Variants in TRRAP observed in about 807,000 individuals in gnomAD.
TRRAP encodes transformation/transcription domain-associated protein.
In TRRAP, 41 loss-of-function variants were observed where a neutral mutation model predicts 438.8. The ratio of observed to expected loss-of-function variants is 0.09; its 90% confidence interval spans 0.07 to 0.12. The LOEUF is 0.12. TRRAP is among the 10% of genes least tolerant of loss of function. The pLI is 1.00. For synonymous variants in TRRAP, 1,994 were observed against 1,962.9 expected (o/e 1.02, Z -0.42); for missense variants, 3,122 against 5,055.1 (o/e 0.62, Z 11.60).
At chr7:98,971,446 A>G (rs1022788827) in intron 52 of TRRAP, among the ~76,000 whole-genome samples, 1 of 152,240 alleles carries the variant, frequency 6.6e-6, no homozygotes, top group South Asian at 2.1e-4. Flanking sequence ...GGAGCAAGCC[A>G]GGCAGCTGGG....
chr7:98,965,551 G>T, intron 48 of TRRAP, 145 bp from the exon 49 acceptor site: 1 of 1,060,978 alleles, frequency 9.4e-7, no homozygotes. Flanking sequence ...ACATATGAGT[G>T]CTTCAAATCC....
At chr7:98,921,005 A>T (rs1384716395) in intron 20 of TRRAP, among the ~76,000 whole-genome samples, 1 of 152,002 alleles carries the variant, frequency 6.6e-6, no homozygotes, top group East Asian at 1.9e-4. Context: ...ACGCCCAGCT[A>T]ATTTTGTGTT....
At chr7:98,951,885 G>A (rs1372338389) in intron 39 of TRRAP, among the ~76,000 whole-genome samples, 1 of 152,168 alleles carries the variant, frequency 6.6e-6, no homozygotes, top group African/African-American at 2.4e-5. Flanking sequence ...GGGAGATGGG[G>A]TCCAGACAGG....
Position 98,962,408 on chromosome 7 carries a change from C to T in TRRAP, c.6810C>T (p.Ala2270=), listed in dbSNP as rs761305182. Residue 2270 remains alanine (A), a synonymous_variant, in exon 47 of 73, where the codon GCC becomes GCT. Coordinates refer to ENST00000456197, the MANE Select transcript of TRRAP (RefSeq NM_001375524.1). Reference sequence around the variant, plus strand: ...CCAACTACGAGAAGGCCACCAATGCCAATCCCTCCCAGCTCTTCGGTGAGT... The same window carrying T: ...CCAACTACGAGAAGGCCACCAATGCTAATCCCTCCCAGCTCTTCGGTGAGT... ...GLTNYEKATN[A]NPSQLFGTLM... 1.2e-6 allele frequency: 2 copies of T among 1,614,244 alleles called. No individual in the cohort carries two copies. Among genetic ancestry groups the T allele is most frequent in the Admixed American group, 1.7e-5 (1 of 60,030 alleles).
chr7:98,971,092 G>A (rs1792396790), intron 52 of TRRAP, among the ~76,000 whole-genome samples: 1 of 152,176 alleles, frequency 6.6e-6, no homozygotes, highest in African/African-American at 2.4e-5. Flanking sequence ...TGCTCTAAAA[G>A]GGGTGGTGCG....
At chr7:98,982,101 C>T (rs538034529) in intron 59 of TRRAP, 141 bp downstream of exon 59, 11 of 824,712 alleles carry the variant, frequency 1.3e-5, no homozygotes, top group South Asian at 1.2e-4. Flanking sequence ...CACTTATACG[C>T]GTCCTCAGGA....
At chr7:98,940,094 G>T (rs1198763078) in intron 30 of TRRAP, among the ~76,000 whole-genome samples, 2 of 152,000 alleles carry the variant, frequency 1.3e-5, no homozygotes, top group African/African-American at 4.8e-5. Flanking sequence ...GTGTTGGCCA[G>T]GCTGGTGTTG....
chr7:98,981,864 C>T lies in TRRAP; in HGVS notation c.8730C>T (p.Phe2910=), dbSNP rs747111856. ...ACCCCGAGGAGCAGCAGCTCAGCTT[C>T]ATCGAGCGCCTGGTGGAGATGGCCA... The part of the protein sequence containing the change: ...ICHPEEQQLS[F]IERLVEMASS... Residue 2910 remains phenylalanine (F), a synonymous_variant, in exon 59 of 73, where the codon TTC becomes TTT. Transcript: ENST00000456197. 2.4e-5 allele frequency: 38 copies of T among 1,608,594 alleles called. 1 individual carries two copies. Among genetic ancestry groups the T allele is most frequent in the Non-Finnish European group, 3.1e-5 (36 of 1,178,290 alleles).
In TRRAP at chr7:98,881,707, A is replaced by T. The variant is rs955400524; in HGVS notation, c.101-268A>T. On this transcript the variant is annotated intron_variant, in intron 2 of 72. Transcript: ENST00000456197. ...CTCTACCTTGTAGAGAAGCAAAGTG[A>T]TGAGTAATACTGGCTGGAGCCCCAA... The T allele has an allele frequency of 1.7e-5, 7 of 406,060 alleles. No individual in the cohort carries two copies. In the Admixed American group the frequency reaches 2.9e-4, roughly 17 times the overall value. 25.2% of individuals were successfully genotyped at this position (406,060 alleles called of 1,614,324 possible).
At position 98,940,055 on chromosome 7, in the gene TRRAP, G is replaced by A. The variant is rs544227568; in HGVS notation, c.4404+2235G>A. The stretch of plus-strand genomic sequence containing the variant: ...TGCCACCACACCCAGCTAATTTTTT[G>A]TATTTTTAATAGAGACTGGGTTTTC... On this transcript the variant is annotated intron_variant, in intron 30 of 72. Coordinates refer to ENST00000456197, the MANE Select transcript of TRRAP (RefSeq NM_001375524.1). Among the ~76,000 whole-genome samples, 10 of 151,926 alleles carry A rather than the reference G, an allele frequency of 6.6e-5. No individual in the cohort carries two copies. The East Asian group carries it at 1.5e-3, about 24-fold the overall frequency.
At chr7:98,891,234 C>T (rs1343187627) in intron 4 of TRRAP, among the ~76,000 whole-genome samples, 6 of 109,364 alleles carry the variant, frequency 5.5e-5, no homozygotes, top group Middle Eastern at 7.7e-3. Context: ...TTTTGGGAGA[C>T]GGAGTCTCGC....
chr7:98,880,806 T>G (rs553881515), intron 1 of TRRAP, among the ~76,000 whole-genome samples: 1 of 152,312 alleles, frequency 6.6e-6, no homozygotes, highest in Admixed American at 6.5e-5. Context: ...GATTAAAATA[T>G]CTACTATGTG....
rs182326715 is a variant in TRRAP, at chr7:98,947,080, A to G, written c.4548+1130A>G. Reference sequence around the variant, plus strand: ...AGTGGGGCCCTTCCTGATCCGTGCTATCATCCCCTTCTTACCCCGAGGATC... The same window carrying G: ...AGTGGGGCCCTTCCTGATCCGTGCTGTCATCCCCTTCTTACCCCGAGGATC... On this transcript the variant is annotated intron_variant, in intron 33 of 72. Transcript: ENST00000456197. Among the ~76,000 whole-genome samples the G allele has an allele frequency of 6.4e-4, 98 of 152,340 alleles. 1 individual carries two copies. The highest frequency in any genetic ancestry group is 2.3e-3 in the African/African-American group (94 of 41,580).
chr7:98,979,507 A>G (rs1302292259), intron 58 of TRRAP, among the ~76,000 whole-genome samples: 2 of 152,146 alleles, frequency 1.3e-5, no homozygotes, highest in South Asian at 2.1e-4. Context: ...TTTCCCCCAA[A>G]TATTTTCCAT....
At chr7:98,924,212 T>C (rs948738143) in intron 21 of TRRAP, among the ~76,000 whole-genome samples, 1 of 152,252 alleles carries the variant, frequency 6.6e-6, no homozygotes. Flanking sequence ...TAATCTGCCA[T>C]TGGCTATTTG....
At chr7:98,914,651 G>A (rs1162127071) in intron 18 of TRRAP, among the ~76,000 whole-genome samples, 1 of 130,548 alleles carries the variant, frequency 7.7e-6, no homozygotes, top group African/African-American at 2.7e-5. Flanking sequence ...GGAGGCGGAG[G>A]TCACAGTGAG....
At chr7:98,945,600 G>T (rs1791016012) in intron 31 of TRRAP, 147 bp from the exon 32 acceptor site, 1 of 854,134 alleles carries the variant, frequency 1.2e-6, no homozygotes, top group African/African-American at 1.7e-5. Context: ...TTGCTGTTGA[G>T]CATTTGTTAA....
chr7:99,011,739 G>A lies in TRRAP; in HGVS notation c.11337+204G>A, dbSNP rs537973412. Among the ~76,000 whole-genome samples the A allele has an allele frequency of 1.3e-5, 2 of 152,374 alleles. No individual in the cohort carries two copies. The highest frequency in any genetic ancestry group is 2.1e-4 in the South Asian group (1 of 4,830). ...ACTCTTGTCTGTAGTGCTTGGAACG[G>A]GCCTGCCTGACACTCGGCAGATGCC... On this transcript the variant is annotated intron_variant, in intron 72 of 72. Coordinates refer to ENST00000456197, the MANE Select transcript of TRRAP (RefSeq NM_001375524.1). This position sits in a 1 kb window ranked among gnomAD's most constrained non-coding sequence, Gnocchi z 7.1.
Position 98,881,878 on chromosome 7 carries a change from C to G in TRRAP, c.101-97C>G. 5.9e-6 allele frequency: 8 copies of G among 1,350,818 alleles called. 1 individual carries two copies. In the South Asian group the frequency reaches 9.3e-5, roughly 16 times the overall value. The allele number at this position is 1,350,818 out of a possible 1,614,324, so 83.7% of individuals were successfully genotyped here. On this transcript the variant is annotated intron_variant, in intron 2 of 72. Coordinates refer to ENST00000456197, the MANE Select transcript of TRRAP (RefSeq NM_001375524.1). Reference sequence around the variant, plus strand: ...GCCATGACAGTCAAACTGATAAGATCTGATTGCTTCTCTTAAATTACTAAA... The same window carrying G: ...GCCATGACAGTCAAACTGATAAGATGTGATTGCTTCTCTTAAATTACTAAA...
Sources: gnomAD v4.1 joint callset for allele counts (sites outside exome capture counted in the v4.1 genomes callset) on GRCh38, gnomAD v4.1.1 for gene constraint, Gnocchi (gnomAD v3.1) non-coding constraint, MANE v1.5 for transcripts, NCBI Gene and HGNC (gene_info 2026-07-23, HGNC 2026-07-21) for gene names.